Variants in SHROOM4 observed in about 807,000 individuals in gnomAD.
SHROOM4 encodes the protein shroom family member 4, also known as protein Shroom4.
SHROOM4 carries 17 observed loss-of-function variants against 80.3 expected under a neutral mutation model. The ratio of observed to expected loss-of-function variants is 0.21; its 90% CI spans 0.14 to 0.32. The LOEUF (loss-of-function observed/expected upper bound fraction) is 0.32, where lower values mean the gene tolerates loss of function less well. Ranked by LOEUF, SHROOM4 falls within the 10% of genes least tolerant of loss-of-function variation. The probability of loss-of-function intolerance (pLI) is 1.00; values close to 1 mark genes in which losing one functional copy is unlikely to be tolerated. For synonymous variants in SHROOM4, 400 were observed against 437.5 expected, an observed-to-expected ratio of 0.91 and a Z score of 1.07; for missense variants, 993 against 1,140.3, an observed-to-expected ratio of 0.87 and a Z score of 1.86.
intron 5 of SHROOM4, among the ~76,000 whole-genome samples, chrX:50,614,643 T>A (rs1930144395): frequency 8.9e-6 from 1 of 112,406 alleles, no homozygotes; most frequent in Non-Finnish European, 1.9e-5. Flanking sequence ...TTAGCATAAC[T>A]CCTAGGGAGG....
chrX:50,678,991 T>C (rs1453929436), intron 2 of SHROOM4, among the ~76,000 whole-genome samples: 2 of 111,776 alleles, frequency 1.8e-5, no homozygotes, highest in East Asian at 2.8e-4. Context: ...CAGTAACCTC[T>C]GAATTAGCAA....
chrX:50,806,758 TAACCATGC>T (rs1439678517), intron 1 of SHROOM4, among the ~76,000 whole-genome samples: 8 of 112,132 alleles, frequency 7.1e-5, no homozygotes, highest in African/African-American at 2.6e-4. Flanking sequence ...GAGGGAAATG[TAACCATGC>T]ACACACATCT....
intron 2 of SHROOM4, among the ~76,000 whole-genome samples, chrX:50,683,629 T>C (rs1932991749): frequency 8.9e-6 from 1 of 111,757 alleles, no homozygotes; most frequent in African/African-American, 3.3e-5. Context: ...CTGGGTTCAC[T>C]GTGAATTATT....
chrX:50,723,047 T>C (rs1370471858), intron 1 of SHROOM4, among the ~76,000 whole-genome samples: 1 of 106,939 alleles, frequency 9.4e-6, no homozygotes, highest in Non-Finnish European at 1.9e-5. Context: ...ATTTCCATTG[T>C]CCTCAAAAAG....
At chrX:50,616,232 C>G (rs1262492752) in intron 5 of SHROOM4, among the ~76,000 whole-genome samples, 1 of 111,716 alleles carries the variant, frequency 9.0e-6, no homozygotes, top group African/African-American at 3.3e-5. Context: ...TGGTCAGTTC[C>G]CTTTTTCTTC....
At chrX:50,785,242 C>T (rs1557270959) in intron 1 of SHROOM4, among the ~76,000 whole-genome samples, 1 of 111,517 alleles carries the variant, frequency 9.0e-6, no homozygotes, top group Non-Finnish European at 1.9e-5. Context: ...CCATATGACC[C>T]AGCCATTCTA....
intron 1 of SHROOM4, among the ~76,000 whole-genome samples, chrX:50,811,773 G>A (rs1192252100): frequency 9.0e-6 from 1 of 111,409 alleles, no homozygotes; most frequent in African/African-American, 3.3e-5. Context: ...CTATTTGGGA[G>A]GAATGGGAGA....
intron 1 of SHROOM4, among the ~76,000 whole-genome samples, chrX:50,794,647 TACACACACACACACACAC>T (rs55726150): frequency 1.0e-5 from 1 of 97,195 alleles, no homozygotes. Flanking sequence ...CACACACACA[TACACACACACACACACAC>T]ACACTAAAAT....
intron 1 of SHROOM4, among the ~76,000 whole-genome samples, chrX:50,739,127 T>C (rs1441398978): frequency 9.0e-6 from 1 of 111,527 alleles, no homozygotes; most frequent in Non-Finnish European, 1.9e-5. Flanking sequence ...TGGCTAGCCA[T>C]ATGTAGAAAG....
intron 1 of SHROOM4, among the ~76,000 whole-genome samples, chrX:50,756,216 A>G (rs1935035465): frequency 8.9e-6 from 1 of 111,988 alleles, no homozygotes; most frequent in African/African-American, 3.2e-5. Context: ...GTCTTTTTTG[A>G]ACATTTCATA....
At chrX:50,668,597 A>G (rs1350471687) in intron 2 of SHROOM4, among the ~76,000 whole-genome samples, 1 of 112,380 alleles carries the variant, frequency 8.9e-6, no homozygotes, top group Non-Finnish European at 1.9e-5. Context: ...GGAACCAGGA[A>G]GATCTCAAAC....
intron 2 of SHROOM4, among the ~76,000 whole-genome samples, chrX:50,693,341 G>A (rs1557262751): frequency 9.1e-6 from 1 of 110,338 alleles, no homozygotes; most frequent in African/African-American, 3.3e-5. Context: ...CTGCGGCAGG[G>A]GGATCACTTG....
chrX:50,795,139 T>C (rs868927268), intron 1 of SHROOM4, among the ~76,000 whole-genome samples: 36 of 2,179 alleles, frequency 0.017, 7 homozygotes, highest in African/African-American at 0.026. Flanking sequence ...TATATATATA[T>C]ATATATGATA....
At chrX:50,618,734 CGTAT>C (rs1376352792) in intron 5 of SHROOM4, among the ~76,000 whole-genome samples, 5 of 111,570 alleles carry the variant, frequency 4.5e-5, no homozygotes, top group African/African-American at 1.6e-4. Flanking sequence ...GGCACTTTCA[CGTAT>C]GTATTTCCAT....
intron 2 of SHROOM4, among the ~76,000 whole-genome samples, chrX:50,656,076 C>CATTTCTCA (rs1285186367): frequency 6.9e-4 from 77 of 111,753 alleles, no homozygotes; most frequent in Non-Finnish European, 1.3e-3. Context: ...AATGTCTCTT[C>CATTTCTCA]AGATCTTTGG....
intron 1 of SHROOM4, among the ~76,000 whole-genome samples, chrX:50,780,542 A>C (rs1204171377): frequency 8.9e-6 from 1 of 111,790 alleles, no homozygotes; most frequent in Non-Finnish European, 1.9e-5. Flanking sequence ...CCACCTGCAG[A>C]AAAGACAGTC....
At chrX:50,719,843 C>A (rs1934062411) in intron 1 of SHROOM4, among the ~76,000 whole-genome samples, 1 of 112,300 alleles carries the variant, frequency 8.9e-6, no homozygotes, top group Non-Finnish European at 1.9e-5. Context: ...TCAATGCTGT[C>A]AAAATGCAGC....
At chrX:50,749,429 A>G (rs782653580) in intron 1 of SHROOM4, among the ~76,000 whole-genome samples, 1 of 111,934 alleles carries the variant, frequency 8.9e-6, no homozygotes, top group East Asian at 2.8e-4. Context: ...GAAGTTAGAA[A>G]CAATTACCAC....
At chrX:50,602,872 GCTT>G in intron 6 of SHROOM4, 59 bp from the exon 7 acceptor site, 4 of 1,073,671 alleles carry the variant, frequency 3.7e-6, no homozygotes, top group Non-Finnish European at 5.2e-6. Flanking sequence ...TGACATTTCT[GCTT>G]CTTAATTTCT....
Sources: allele counts gnomAD v4.1 joint callset (sites outside exome capture counted in the v4.1 genomes callset), GRCh38; gene constraint gnomAD v4.1.1; transcripts MANE v1.5; gene names NCBI Gene and HGNC (gene_info 2026-07-23, HGNC 2026-07-21).